The following CAMTA1 variants were observed in gnomAD, a reference collection of about 807,000 sequenced individuals.
CAMTA1 encodes calmodulin-binding transcription activator 1.
A neutral mutation model predicts 170.9 loss-of-function variants in CAMTA1; 27 were observed. The observed-to-expected ratio is 0.16, with a 90% CI of 0.12 to 0.22. The LOEUF (loss-of-function observed/expected upper bound fraction) is 0.22. Among genes scored for constraint, CAMTA1 ranks in the 10% least tolerant of loss-of-function variants. The pLI is 1.00. For synonymous variants in CAMTA1, 833 were observed against 891.5 expected, an observed-to-expected ratio of 0.93 and a Z score of 1.17; for missense variants, 1,619 against 2,217.2, an observed-to-expected ratio of 0.73 and a Z score of 5.42.
At chr1:6,840,101 A>G (rs1570741500) in intron 3 of CAMTA1, among the ~76,000 whole-genome samples, 3 of 152,178 alleles carry the variant, frequency 2.0e-5, no homozygotes, top group African/African-American at 7.2e-5. Flanking sequence ...TCGGAGGCTG[A>G]GGCAGGAGAA....
chr1:7,595,587 G>T (rs377319715), intron 6 of CAMTA1, among the ~76,000 whole-genome samples: 2 of 152,308 alleles, frequency 1.3e-5, no homozygotes, highest in Admixed American at 6.5e-5. Flanking sequence ...GCCAGGCACA[G>T]CTCCAGACCC....
intron 5 of CAMTA1, among the ~76,000 whole-genome samples, chr1:7,329,652 A>G (rs1241603690): frequency 2.0e-5 from 3 of 152,172 alleles, no homozygotes; most frequent in African/African-American, 4.8e-5. Flanking sequence ...GTGATTTCCA[A>G]TAAATACCCT....
At chr1:7,412,539 T>A (rs2090853863) in intron 5 of CAMTA1, among the ~76,000 whole-genome samples, 1 of 152,278 alleles carries the variant, frequency 6.6e-6, no homozygotes, top group Non-Finnish European at 1.5e-5. Context: ...ATGTGTTTTT[T>A]GGCTGCATAA....
chr1:7,724,440 A>T (rs975825613), intron 11 of CAMTA1, among the ~76,000 whole-genome samples: 2 of 152,198 alleles, frequency 1.3e-5, no homozygotes, highest in Admixed American at 6.5e-5. Flanking sequence ...AATTACTCGA[A>T]AAAATGTTTA....
chr1:7,644,150 C>T (rs2095787469), intron 7 of CAMTA1, among the ~76,000 whole-genome samples: 1 of 152,184 alleles, frequency 6.6e-6, no homozygotes, highest in Non-Finnish European at 1.5e-5. Flanking sequence ...CTGCAGCCTT[C>T]ACCTCACCTG....
chr1:7,097,840 G>A (rs1358267122), intron 4 of CAMTA1, among the ~76,000 whole-genome samples: 1 of 152,192 alleles, frequency 6.6e-6, no homozygotes, highest in African/African-American at 2.4e-5. Flanking sequence ...GTTTCCAAGG[G>A]CTGGGGTGGA....
intron 22 of CAMTA1, among the ~76,000 whole-genome samples, chr1:7,764,649 T>C (rs1156819997): frequency 1.3e-5 from 2 of 152,194 alleles, no homozygotes; most frequent in African/African-American, 2.4e-5. Flanking sequence ...ATTTTCTTTC[T>C]GCCTGAGTAT....
chr1:6,880,743 G>C lies in CAMTA1; in HGVS notation c.234+55533G>C, dbSNP rs1296330994. Among the ~76,000 whole-genome samples, 8 of 152,258 alleles carry C rather than the reference G, an allele frequency of 5.3e-5. 1 individual carries two copies. In the East Asian group the frequency reaches 1.5e-3, roughly 29 times the overall value. ...CTGTCTGATATCTGTATGATCATGG[G>C]AGGGGAGTGGAGTGTTCTGCCCACC... On this transcript the variant is annotated intron_variant, in intron 3 of 22. Coordinates refer to ENST00000303635, the MANE Select transcript of CAMTA1 (RefSeq NM_015215.4).
chr1:6,949,195 T>C (rs1688047481), intron 3 of CAMTA1, among the ~76,000 whole-genome samples: 1 of 152,186 alleles, frequency 6.6e-6, no homozygotes, highest in Non-Finnish European at 1.5e-5. Flanking sequence ...CATACTTGAG[T>C]GTTCCTGGGG....
At chr1:7,385,890 G>A (rs929507190) in intron 5 of CAMTA1, among the ~76,000 whole-genome samples, 15 of 152,172 alleles carry the variant, frequency 9.9e-5, no homozygotes, top group African/African-American at 2.9e-4. Flanking sequence ...TGTCCAGTGC[G>A]GTGCTGAGCT....
intron 6 of CAMTA1, among the ~76,000 whole-genome samples, chr1:7,576,000 A>AGTTTTGTTTT (rs772547161): frequency 6.6e-6 from 1 of 151,994 alleles, no homozygotes; most frequent in Non-Finnish European, 1.5e-5. Context: ...ACTGGGGCTC[A>AGTTTTGTTTT]GTTTTGTTTT....
rs921898502 is a variant in CAMTA1, at chr1:7,634,964, C to T, written c.511-5436C>T. ...GGCACCAAGAGGGAGGAGGGATCCC[C>T]TCGTCCACGGCTCTTCCAGAAGGCT... On this transcript the variant is annotated intron_variant, in intron 6 of 22. Transcript: ENST00000303635. The surrounding 1 kb of genome is among the most constrained non-coding windows in gnomAD (Gnocchi z 6.2). 3.2e-4 allele frequency among the ~76,000 whole-genome samples: 49 copies of T among 152,268 alleles called. No individual in the cohort carries two copies. Among genetic ancestry groups the T allele is most frequent in the African/African-American group, 1.0e-3 (43 of 41,560 alleles).
At chr1:7,211,015 G>A (rs1658649637) in intron 4 of CAMTA1, among the ~76,000 whole-genome samples, 1 of 152,112 alleles carries the variant, frequency 6.6e-6, no homozygotes, top group Non-Finnish European at 1.5e-5. Flanking sequence ...CATAGAGAAC[G>A]TTAACAGATT....
At chr1:6,903,423 C>A (rs1677576691) in intron 3 of CAMTA1, among the ~76,000 whole-genome samples, 1 of 152,168 alleles carries the variant, frequency 6.6e-6, no homozygotes, top group South Asian at 2.1e-4. Context: ...ATTTAAAACC[C>A]ACTTTTACAG....
intron 3 of CAMTA1, among the ~76,000 whole-genome samples, chr1:6,947,467 C>T (rs1687761248): frequency 6.6e-6 from 1 of 151,698 alleles, no homozygotes; most frequent in Admixed American, 6.6e-5. Flanking sequence ...CCTCCACCTT[C>T]TCGGTTCAAG....
At chr1:7,218,735 C>T (rs1218648763) in intron 4 of CAMTA1, among the ~76,000 whole-genome samples, 1 of 152,102 alleles carries the variant, frequency 6.6e-6, no homozygotes, top group African/African-American at 2.4e-5. Context: ...CGACGTCTGC[C>T]TTCATTGGCT....
chr1:6,927,287 C>T (rs1301512564), intron 3 of CAMTA1, among the ~76,000 whole-genome samples: 2 of 152,086 alleles, frequency 1.3e-5, no homozygotes, highest in Non-Finnish European at 2.9e-5. Context: ...ACCACGTCAG[C>T]CTCCCAACGC....
At chr1:7,418,899 C>T (rs1443729675) in intron 5 of CAMTA1, among the ~76,000 whole-genome samples, 1 of 152,180 alleles carries the variant, frequency 6.6e-6, no homozygotes, top group East Asian at 1.9e-4. Flanking sequence ...GCCACCTCCA[C>T]CCCAGGCGCT....
At chr1:7,204,184 T>C (rs1657255485) in intron 4 of CAMTA1, among the ~76,000 whole-genome samples, 1 of 152,092 alleles carries the variant, frequency 6.6e-6, no homozygotes, top group South Asian at 2.1e-4. Context: ...TCCACTGTAA[T>C]ATTTATTATT....
Sources: gnomAD v4.1 joint callset for allele counts (sites outside exome capture counted in the v4.1 genomes callset) on GRCh38, gnomAD v4.1.1 for gene constraint, Gnocchi (gnomAD v3.1) non-coding constraint, MANE v1.5 for transcripts, NCBI Gene and HGNC (gene_info 2026-07-23, HGNC 2026-07-21) for gene names.